The following TENM4 variants were observed in gnomAD, a reference collection of about 807,000 sequenced individuals.
TENM4 encodes teneurin-4.
A neutral mutation model predicts 243.3 loss-of-function variants in TENM4; 82 were observed. The ratio of observed to expected loss-of-function variants is 0.34; its 90% CI spans 0.28 to 0.40. TENM4 has a LOEUF of 0.40. TENM4 is among the 10% of genes least tolerant of loss of function. The pLI is 1.00. For missense variants in TENM4, 3,138 were observed against 3,673.3 expected (o/e 0.85, Z 3.77); for synonymous variants, 1,412 against 1,456.3 (o/e 0.97, Z 0.69).
chr11:78,985,640 G>T (rs935241461), intron 6 of TENM4, among the ~76,000 whole-genome samples: 2 of 152,072 alleles, frequency 1.3e-5, no homozygotes, highest in African/African-American at 4.8e-5. Context: ...TTATTGATTG[G>T]TAGGGCTTTC....
At chr11:79,034,579 A>G (rs2136870555) in intron 6 of TENM4, among the ~76,000 whole-genome samples, 1 of 152,102 alleles carries the variant, frequency 6.6e-6, no homozygotes, top group African/African-American at 2.4e-5. Context: ...TGGAAGTTTA[A>G]TTAAAAAAAA....
At chr11:78,862,641 G>T (rs765991364) in intron 10 of TENM4, among the ~76,000 whole-genome samples, 2 of 152,102 alleles carry the variant, frequency 1.3e-5, no homozygotes, top group African/African-American at 2.4e-5. Context: ...GGTTTGCCCA[G>T]AAGAGCTCCT....
intron 6 of TENM4, among the ~76,000 whole-genome samples, chr11:78,979,997 ACTCT>A (rs1316601233): frequency 6.6e-6 from 1 of 152,108 alleles, no homozygotes; most frequent in Non-Finnish European, 1.5e-5. Context: ...CTCATATTAA[ACTCT>A]CTGAGTTACC....
chr11:78,805,278 C>CCCCACCCACCACA lies in TENM4; in HGVS notation c.2179+13_2179+14insTGTGGTGGGTGGG. 3 of 1,442,340 alleles carry CCCCACCCACCACA rather than the reference C, an allele frequency of 2.1e-6. No homozygotes were observed. Among genetic ancestry groups the CCCCACCCACCACA allele is most frequent in the Non-Finnish European group, 2.8e-6 (3 of 1,063,264 alleles). The allele number at this position is 1,442,340 out of a possible 1,614,324, so 89.3% of individuals were successfully genotyped here. On this transcript the variant is annotated intron_variant, in intron 15 of 33. Coordinates refer to ENST00000278550, the MANE Select transcript of TENM4 (RefSeq NM_001098816.3). ...CCCTCCCTCTACCCATGCTTCTTCT[C>CCCCACCCACCACA]CCCCTGCATTTACCGATAGAACAGT...
intron 1 of TENM4, among the ~76,000 whole-genome samples, chr11:79,316,756 C>T (rs932484656): frequency 6.6e-6 from 1 of 152,064 alleles, no homozygotes; most frequent in African/African-American, 2.4e-5. Context: ...AGTCAATAGC[C>T]CTGGTGTTTT....
At chr11:78,890,232 G>A (rs1265895601) in intron 8 of TENM4, among the ~76,000 whole-genome samples, 2 of 152,128 alleles carry the variant, frequency 1.3e-5, no homozygotes, top group East Asian at 1.9e-4. Context: ...CACTGAACAC[G>A]GATGGGACAG....
intron 18 of TENM4, among the ~76,000 whole-genome samples, chr11:78,757,271 C>A (rs1856333280): frequency 6.6e-6 from 1 of 152,064 alleles, no homozygotes; most frequent in Admixed American, 6.6e-5. Flanking sequence ...TTCCTTCCAT[C>A]GAGAATAGAA....
At chr11:79,118,767 C>CAT (rs1279456448) in intron 4 of TENM4, among the ~76,000 whole-genome samples, 7 of 152,088 alleles carry the variant, frequency 4.6e-5, no homozygotes, top group African/African-American at 1.2e-4. Flanking sequence ...TACTTCGTTG[C>CAT]ATATATATAT....
intron 1 of TENM4, among the ~76,000 whole-genome samples, chr11:79,349,569 A>G (rs1272719121): frequency 1.3e-5 from 2 of 152,206 alleles, no homozygotes; most frequent in African/African-American, 4.8e-5. Flanking sequence ...GAGGTTTTGC[A>G]GTGAATAAGA....
At chr11:78,860,004 A>G (rs1028736743) in intron 10 of TENM4, among the ~76,000 whole-genome samples, 1 of 152,334 alleles carries the variant, frequency 6.6e-6, no homozygotes, top group African/African-American at 2.4e-5. Context: ...GGTTACAGCC[A>G]TTTGGAAAAT....
intron 1 of TENM4, among the ~76,000 whole-genome samples, chr11:79,372,418 A>G (rs1343836607): frequency 1.3e-5 from 2 of 152,244 alleles, no homozygotes; most frequent in East Asian, 3.8e-4. Context: ...CTGTTCCTTT[A>G]GAAGAACCAG....
intron 6 of TENM4, among the ~76,000 whole-genome samples, chr11:78,990,212 G>A (rs1858009006): frequency 6.6e-6 from 1 of 152,158 alleles, no homozygotes; most frequent in South Asian, 2.1e-4. Flanking sequence ...AGCTGAAGAA[G>A]CATGGGTCAA....
intron 2 of TENM4, among the ~76,000 whole-genome samples, chr11:79,235,041 C>T (rs750628549): frequency 1.3e-5 from 2 of 152,026 alleles, no homozygotes; most frequent in Admixed American, 1.3e-4. Flanking sequence ...TGGCCAGGCG[C>T]GGTGACTCAT....
chr11:79,022,139 C>T (rs1346106580), intron 6 of TENM4, among the ~76,000 whole-genome samples: 1 of 152,186 alleles, frequency 6.6e-6, no homozygotes, highest in Non-Finnish European at 1.5e-5. Context: ...TAATCTGATG[C>T]TTTACCGACC....
intron 1 of TENM4, among the ~76,000 whole-genome samples, chr11:79,326,387 C>T (rs143172280): frequency 6.6e-6 from 1 of 152,162 alleles, no homozygotes. Context: ...GCCTTCCTTG[C>T]CTGTATCTTT....
At chr11:78,873,969 A>T (rs1207532448) in intron 9 of TENM4, among the ~76,000 whole-genome samples, 2 of 151,918 alleles carry the variant, frequency 1.3e-5, no homozygotes, top group Non-Finnish European at 2.9e-5. Flanking sequence ...TACTTCAAAT[A>T]TTGCCTCTTC....
intron 6 of TENM4, among the ~76,000 whole-genome samples, chr11:78,997,168 G>T (rs1014885294): frequency 6.6e-6 from 1 of 152,156 alleles, no homozygotes; most frequent in Non-Finnish European, 1.5e-5. Flanking sequence ...ATAGTGTTTG[G>T]TACATGGTAA....
chr11:79,417,677 C>T (rs1294992264), intron 1 of TENM4, among the ~76,000 whole-genome samples: 1 of 151,918 alleles, frequency 6.6e-6, no homozygotes, highest in Non-Finnish European at 1.5e-5. Flanking sequence ...CTCATACTTG[C>T]AATATGACAT....
At position 78,963,028 on chromosome 11, in the gene TENM4, T is replaced by TAAAGA. The variant is rs1857365318; in HGVS notation, c.494-59506_494-59505insTCTTT. 3.3e-5 allele frequency among the ~76,000 whole-genome samples: 5 copies of TAAAGA among 152,354 alleles called. No homozygotes were observed. In the South Asian group the frequency reaches 1.0e-3, roughly 32 times the overall value. On this transcript the variant is annotated intron_variant, in intron 6 of 33. Coordinates refer to ENST00000278550, the MANE Select transcript of TENM4 (RefSeq NM_001098816.3). ...AGACCCTTAGGAAATTTTGTTCATGTCTTTATATTCAGAATCTAACATAAT... is the reference window on the plus strand; with the variant it reads ...AGACCCTTAGGAAATTTTGTTCATGTAAAGACTTTATATTCAGAATCTAACATAAT...
Sources: allele counts gnomAD v4.1 joint callset (sites outside exome capture counted in the v4.1 genomes callset), GRCh38; gene constraint gnomAD v4.1.1; transcripts MANE v1.5; gene names NCBI Gene and HGNC (gene_info 2026-07-23, HGNC 2026-07-21).